TTC28: variants seen among roughly 807,000 people sequenced by gnomAD.
The protein encoded by TTC28 is tetratricopeptide repeat domain 28, also known as tetratricopeptide repeat protein 28.
Under a neutral mutation model 198.0 loss-of-function variants are expected in TTC28, and 61 were observed. That is an observed-to-expected ratio of 0.31 (90% CI 0.25 to 0.38). The LOEUF (loss-of-function observed/expected upper bound fraction) is 0.38, where lower values mean the gene tolerates loss of function less well. TTC28 is among the 10% of genes least tolerant of loss of function. TTC28 has a pLI of 1.00. For synonymous variants in TTC28, 1,171 were observed against 1,297.8 expected (o/e 0.90, Z 2.10); for missense variants, 2,678 against 3,164.0 (o/e 0.85, Z 3.69).
At chr22:28,137,710 C>T (rs1943231489) in intron 6 of TTC28, among the ~76,000 whole-genome samples, 1 of 152,058 alleles carries the variant, frequency 6.6e-6, no homozygotes, top group African/African-American at 2.4e-5. Flanking sequence ...CCGCATTCTA[C>T]TGGTTAGAAA....
intron 5 of TTC28, among the ~76,000 whole-genome samples, chr22:28,230,444 C>A (rs1028547940): frequency 6.6e-6 from 1 of 152,190 alleles, no homozygotes; most frequent in Non-Finnish European, 1.5e-5. Flanking sequence ...TAGGTGACTA[C>A]AACATAAGAC....
At chr22:28,414,206 G>A (rs1343362865) in intron 2 of TTC28, among the ~76,000 whole-genome samples, 1 of 152,138 alleles carries the variant, frequency 6.6e-6, no homozygotes. Context: ...GATCTCCTTT[G>A]GTTGGAATTC....
intron 2 of TTC28, among the ~76,000 whole-genome samples, chr22:28,315,536 C>G (rs1225732191): frequency 6.6e-6 from 1 of 152,002 alleles, no homozygotes; most frequent in African/African-American, 2.4e-5. Flanking sequence ...GATTTGTGGT[C>G]CAGTTTGAGT....
At position 28,283,325 on chromosome 22, in the gene TTC28, TAC is replaced by T. The variant is rs35766225; in HGVS notation, c.933+12871_933+12872del. Among the ~76,000 whole-genome samples, 208 of 149,486 alleles carry T rather than the reference TAC, an allele frequency of 1.4e-3. 1 individual carries two copies. The highest frequency in any genetic ancestry group is 2.8e-3 in the East Asian group (14 of 5,088). On this transcript the variant is annotated intron_variant, in intron 5 of 22. Transcript: ENST00000397906. Reference sequence around the variant, plus strand: ...TACCTCAACTACATTCTTTCTCTCTTACACACACACACACACACACACACCAC... The same window carrying T: ...TACCTCAACTACATTCTTTCTCTCTTACACACACACACACACACACACCAC...
intron 6 of TTC28, among the ~76,000 whole-genome samples, chr22:28,156,816 T>C (rs1477899394): frequency 6.6e-6 from 1 of 152,072 alleles, no homozygotes; most frequent in Non-Finnish European, 1.5e-5. Context: ...AAAAGCAGTA[T>C]TAAATTTATA....
At chr22:28,544,858 A>G (rs1228636245) in intron 2 of TTC28, among the ~76,000 whole-genome samples, 1 of 152,172 alleles carries the variant, frequency 6.6e-6, no homozygotes, top group Non-Finnish European at 1.5e-5. Context: ...AAAGGGGAGG[A>G]ACCCTTAGTT....
intron 5 of TTC28, among the ~76,000 whole-genome samples, chr22:28,283,022 G>A (rs536799166): frequency 2.6e-5 from 4 of 152,184 alleles, no homozygotes; most frequent in African/African-American, 7.2e-5. Flanking sequence ...AGACTCAGCC[G>A]ATTTATAATA....
intron 12 of TTC28, among the ~76,000 whole-genome samples, chr22:28,054,122 A>C (rs886943934): frequency 1.3e-5 from 2 of 152,152 alleles, no homozygotes; most frequent in Admixed American, 1.3e-4. Context: ...AGAGAAAGTA[A>C]GGAGCCTGGT....
chr22:28,223,977 C>T (rs1355793346), intron 5 of TTC28, among the ~76,000 whole-genome samples: 1 of 152,232 alleles, frequency 6.6e-6, no homozygotes, highest in African/African-American at 2.4e-5. Context: ...TTTTCATCCT[C>T]TATAGCAATG....
rs182531677 is a variant in TTC28 at position 28,231,328 on chromosome 22, G to A, written c.933+64870C>T. Reference sequence around the variant, plus strand: ...GTTCTTTAATACACAGAAACACAAAGAGAAAATCAGAACATCTGAGACTAA... The same window carrying A: ...GTTCTTTAATACACAGAAACACAAAAAGAAAATCAGAACATCTGAGACTAA... On this transcript the variant is annotated intron_variant, in intron 5 of 22. Transcript: ENST00000397906. Among the ~76,000 whole-genome samples, 9 of 152,344 alleles carry A rather than the reference G, an allele frequency of 5.9e-5. No homozygotes were observed. In the East Asian group the frequency reaches 1.5e-3, roughly 26 times the overall value.
intron 2 of TTC28, among the ~76,000 whole-genome samples, chr22:28,598,092 A>C (rs1328795355): frequency 6.6e-6 from 1 of 152,218 alleles, no homozygotes; most frequent in East Asian, 1.9e-4. Context: ...GCAAGTCACA[A>C]GCCCTCCAGA....
At chr22:28,268,005 G>A (rs544533019) in intron 5 of TTC28, among the ~76,000 whole-genome samples, 3 of 152,248 alleles carry the variant, frequency 2.0e-5, no homozygotes, top group East Asian at 3.9e-4. Context: ...GTATGTCAAC[G>A]CCTAGTGTGC....
chr22:27,992,567 G>T lies in TTC28; in HGVS notation c.5553+20C>A, dbSNP rs1350512755. On this transcript the variant is annotated intron_variant, in intron 19 of 22. Transcript: ENST00000397906. ...AGCATGGGCCTCAGGCCCTGGCTCA[G>T]CCCTCCAGGCTCGACTTACCCGGCT... is the stretch of plus-strand genomic sequence containing the variant. 6.4e-7 allele frequency: 1 copy of T among 1,550,612 alleles called. No homozygotes were observed. Among genetic ancestry groups the T allele is most frequent in the Non-Finnish European group, 8.7e-7 (1 of 1,146,750 alleles).
rs1312392514 is a variant in TTC28 at position 28,381,942 on chromosome 22, G to C, written c.382-75299C>G. On this transcript the variant is annotated intron_variant, in intron 2 of 22. Coordinates refer to ENST00000397906, the MANE Select transcript of TTC28 (RefSeq NM_001145418.2). ...CTCTAAGATATATTTGAGGTGCACT[G>C]GGCACTGGAAGAGAAAGTGCCAATT... 2.0e-5 allele frequency among the ~76,000 whole-genome samples: 3 copies of C among 152,088 alleles called. No individual in the cohort carries two copies. In the East Asian group the frequency reaches 5.8e-4, roughly 29 times the overall value.
At chr22:28,486,581 C>A (rs1428902591) in intron 2 of TTC28, among the ~76,000 whole-genome samples, 1 of 152,032 alleles carries the variant, frequency 6.6e-6, no homozygotes, top group Admixed American at 6.6e-5. Context: ...GTTGAAATAA[C>A]CAAGTGCCAA....
rs993897935 is a variant in TTC28 at position 28,269,475 on chromosome 22, A to C, written c.933+26723T>G. On this transcript the variant is annotated intron_variant, in intron 5 of 22. Coordinates refer to ENST00000397906, the MANE Select transcript of TTC28 (RefSeq NM_001145418.2). Reference sequence around the variant, plus strand: ...GACCTATTTAGCAACATTTAACAACACTGTCTTGGGAAATGAGTTTTTGAC... The same window carrying C: ...GACCTATTTAGCAACATTTAACAACCCTGTCTTGGGAAATGAGTTTTTGAC... Among the ~76,000 whole-genome samples the C allele has an allele frequency of 5.0e-4, 76 of 152,172 alleles. 1 individual carries two copies. Among genetic ancestry groups the C allele is most frequent in the African/African-American group, 1.8e-3 (73 of 41,448 alleles).
intron 2 of TTC28, among the ~76,000 whole-genome samples, chr22:28,424,498 CAG>C (rs2047315893): frequency 2.0e-5 from 3 of 152,150 alleles, no homozygotes; most frequent in African/African-American, 7.2e-5. Context: ...TATACTCTGA[CAG>C]AGATGATGCC....
rs1569192113 is a variant in TTC28 at position 28,197,478 on chromosome 22, C to CA, written c.934-33880dup. ...CACAGTTCTTCAAAAACCAGATGGA[C>CA]AAAAAAAGACAAACATAAAAACTAG... On this transcript the variant is annotated intron_variant, in intron 5 of 22. Transcript: ENST00000397906. Among the ~76,000 whole-genome samples, 5 of 151,078 alleles carry CA rather than the reference C, an allele frequency of 3.3e-5. No homozygotes were observed. In the South Asian group the frequency reaches 8.4e-4, roughly 25 times the overall value.
intron 3 of TTC28, among the ~76,000 whole-genome samples, chr22:28,304,366 G>A (rs895316837): frequency 1.3e-5 from 2 of 152,100 alleles, no homozygotes; most frequent in African/African-American, 2.4e-5. Context: ...TCATTAAGAT[G>A]TGGGATGATG....
Sources: allele counts gnomAD v4.1 joint callset (sites outside exome capture counted in the v4.1 genomes callset), GRCh38; gene constraint gnomAD v4.1.1; transcripts MANE v1.5; gene names NCBI Gene and HGNC (gene_info 2026-07-23, HGNC 2026-07-21).